Variants in FAAH observed in about 807,000 individuals in gnomAD.
The protein encoded by FAAH is fatty-acid amide hydrolase 1.
In FAAH, 63 loss-of-function variants were observed where a neutral mutation model predicts 69.7. The observed-to-expected ratio is 0.90, with a 90% confidence interval of 0.74 to 1.12. The LOEUF (loss-of-function observed/expected upper bound fraction) is 1.12, where lower values mean the gene tolerates loss of function less well. Among genes scored for constraint, FAAH ranks in the 50% most tolerant of loss-of-function variants. The pLI, the probability that FAAH is intolerant of heterozygous loss-of-function variation, is 0.00. For synonymous variants in FAAH, 305 were observed against 324.2 expected, an observed-to-expected ratio of 0.94 and a Z score of 0.64; for missense variants, 680 against 755.0, an observed-to-expected ratio of 0.90 and a Z score of 1.16.
rs1411090559 is a variant in FAAH, at chr1:46,409,087, C to G, written c.1078-14C>G. Reference sequence around the variant, plus strand: ...TGTTAGGTCAGGAGGCCTTACACCCCTCAATCCCTGCAGCTGGTTCCCTTC... The same window carrying G: ...TGTTAGGTCAGGAGGCCTTACACCCGTCAATCCCTGCAGCTGGTTCCCTTC... On this transcript the variant is annotated splice_polypyrimidine_tract_variant and intron_variant, in intron 8 of 14. Coordinates refer to ENST00000243167, the MANE Select transcript of FAAH (RefSeq NM_001441.3). 1 of 1,612,496 alleles carries G rather than the reference C, an allele frequency of 6.2e-7. No individual in the cohort carries two copies. Among genetic ancestry groups the G allele is most frequent in the Non-Finnish European group, 8.5e-7 (1 of 1,178,540 alleles).
chr1:46,411,903 T>C lies in FAAH; in HGVS notation c.1357-240T>C, dbSNP rs1360429684. On this transcript the variant is annotated intron_variant, in intron 12 of 14. Coordinates refer to ENST00000243167, the MANE Select transcript of FAAH (RefSeq NM_001441.3). The surrounding 1 kb of genome is among the most constrained non-coding windows in gnomAD (Gnocchi z 4.8). ...GCCTTTTTGCCCCTCTGGAGCTGCC[T>C]TTGTGTGGCTCCGCCTCAGCGGGAA... Among the ~76,000 whole-genome samples, 1 of 152,246 alleles carries C rather than the reference T, an allele frequency of 6.6e-6. No homozygotes were observed. The highest frequency in any genetic ancestry group is 2.4e-5 in the African/African-American group (1 of 41,468).
intron 1 of FAAH, among the ~76,000 whole-genome samples, chr1:46,395,417 G>A (rs1664578905): frequency 6.6e-6 from 1 of 152,192 alleles, no homozygotes; most frequent in African/African-American, 2.4e-5. Flanking sequence ...TCCGTGGGTG[G>A]TCTGTCAACA....
intron 7 of FAAH, among the ~76,000 whole-genome samples, chr1:46,407,597 C>G (rs191823179): frequency 1.3e-4 from 20 of 151,644 alleles, no homozygotes; most frequent in African/African-American, 3.9e-4. Context: ...TCCTGGTACT[C>G]TCTCTCTCTC....
Position 46,405,690 on chromosome 1 carries a change from T to C in FAAH, c.681T>C (p.Ser227=). Reference sequence around the variant, plus strand: ...GGGGTGAAGGGGCCCTCATCGGGTCTGGAGGCTCCCCCCTGGGCTTAGGCA... The same window carrying C: ...GGGGTGAAGGGGCCCTCATCGGGTCCGGAGGCTCCCCCCTGGGCTTAGGCA... ...SSGGEGALIG[S]GGSPLGLGTD... Residue 227 remains serine, a synonymous_variant, in exon 5 of 15, where the codon TCT becomes TCC. Transcript: ENST00000243167. The surrounding 1 kb of genome is among the most constrained non-coding windows in gnomAD (Gnocchi z 4.1). The C allele has an allele frequency of 6.2e-7, 1 of 1,613,562 alleles. No homozygotes were observed. The highest frequency in any genetic ancestry group is 1.3e-5 in the African/African-American group (1 of 75,064).
chr1:46,412,939 T>G (rs74952389), intron 13 of FAAH, 136 bp from the exon 14 acceptor site: 1 of 1,083,690 alleles, frequency 9.2e-7, no homozygotes, highest in Admixed American at 2.0e-5. Context: ...GCTTTGTCAC[T>G]CAGACCTCAG....
rs200158706 is a variant in FAAH, at chr1:46,413,585, C to T, written c.*10C>T. On this transcript the variant is annotated 3_prime_UTR_variant, in exon 15 of 15. Transcript: ENST00000243167. The stretch of plus-strand genomic sequence containing the variant: ...AAAGCAGTCATCCTGATGGCTCTGG[C>T]TCCAGAGGACCTGAGACTCACACTC... 1.1e-4 allele frequency: 181 copies of T among 1,613,944 alleles called. No homozygotes were observed. The highest frequency in any genetic ancestry group is 1.4e-4 in the Non-Finnish European group (165 of 1,179,980).
At chr1:46,408,630 G>T in intron 8 of FAAH, 46 bp downstream of exon 8, 1 of 1,613,404 alleles carries the variant, frequency 6.2e-7, no homozygotes. Context: ...CTCCCCTCAC[G>T]GGAAGCCTTC....
chr1:46,405,724 G>A lies in FAAH; in HGVS notation c.715G>A (p.Gly239Arg). 1 of 1,613,494 alleles carries A rather than the reference G, an allele frequency of 6.2e-7. No homozygotes were observed. Among genetic ancestry groups the A allele is most frequent in the Non-Finnish European group, 8.5e-7 (1 of 1,180,034 alleles). The change falls in exon 5 of 15, where the codon GGA becomes AGA. Residue 239 changes from glycine (G) to arginine (R), a missense_variant. Physicochemically the swap from Gly to Arg is moderately radical, Grantham distance 125. Transcript: ENST00000243167. The surrounding 1 kb of genome is among the most constrained non-coding windows in gnomAD (Gnocchi z 4.1). The part of the protein sequence containing the change: ...GSPLGLGTDI[G>R]GSIRFPSSFC... Reference sequence around the variant, plus strand: ...CCCCCTGGGCTTAGGCACTGATATCGGAGGCAGCATCCGCTTCCCCTCCTC... The same window carrying A: ...CCCCCTGGGCTTAGGCACTGATATCAGAGGCAGCATCCGCTTCCCCTCCTC...
chr1:46,412,157 C>A lies in FAAH; in HGVS notation c.1371C>A (p.Thr457=). ...GTCCTCCGCAGGTGTACCGCAAAAC[C>A]GTGATTGCCCAGTGGAGGGCGCTGG... ...LQHEIEVYRK[T]VIAQWRALDL... Residue 457 remains threonine, a synonymous_variant, in exon 13 of 15, where the codon ACC becomes ACA. Transcript: ENST00000243167. 6.4e-7 allele frequency: 1 copy of A among 1,560,888 alleles called. No homozygotes were observed.
In FAAH at chr1:46,405,951, CG is replaced by C; in HGVS notation, c.786-85del. ...CGGGCGTGGGTCCTAGTTTCCAAAG[CG>C]GTGAGTGTTCAGAGCTGCTCTGTGG... On this transcript the variant is annotated intron_variant, in intron 5 of 14. Coordinates refer to ENST00000243167, the MANE Select transcript of FAAH (RefSeq NM_001441.3). The surrounding 1 kb of genome is among the most constrained non-coding windows in gnomAD (Gnocchi z 4.1). 1 of 1,612,914 alleles carries C rather than the reference CG, an allele frequency of 6.2e-7. No homozygotes were observed. Among genetic ancestry groups the C allele is most frequent in the Non-Finnish European group, 8.5e-7 (1 of 1,179,850 alleles).
Position 46,405,911 on chromosome 1 carries a change from T to TA in FAAH, c.785+118dup. ...CCGGGGTTTTGCTGGGAGGAAGCAT[T>TA]ACAGTACCACTGGCCGGGCGTGGGT... On this transcript the variant is annotated intron_variant, in intron 5 of 14. Coordinates refer to ENST00000243167, the MANE Select transcript of FAAH (RefSeq NM_001441.3). This position sits in a 1 kb window ranked among gnomAD's most constrained non-coding sequence, Gnocchi z 4.1. The TA allele has an allele frequency of 1.2e-6, 2 of 1,610,678 alleles. No individual in the cohort carries two copies. The highest frequency in any genetic ancestry group is 1.7e-6 in the Non-Finnish European group (2 of 1,179,202).
At chr1:46,394,759 G>C (rs1664567616) in intron 1 of FAAH, among the ~76,000 whole-genome samples, 1 of 152,232 alleles carries the variant, frequency 6.6e-6, no homozygotes, top group Non-Finnish European at 1.5e-5. Context: ...GTGGTGGAAG[G>C]CCTTTCCCTC....
chr1:46,407,169 G>A (rs1304794731), intron 7 of FAAH, among the ~76,000 whole-genome samples: 1 of 152,068 alleles, frequency 6.6e-6, no homozygotes, highest in Non-Finnish European at 1.5e-5. Flanking sequence ...CTGTTGCTGA[G>A]ACAGGCTGGG....
At chr1:46,408,671 T>A in intron 8 of FAAH, 87 bp downstream of exon 8, 1 of 1,594,152 alleles carries the variant, frequency 6.3e-7, no homozygotes, top group Non-Finnish European at 8.6e-7. Context: ...ATCCCTGGCA[T>A]CCTGGCACTC....
At chr1:46,409,292 A>T in intron 9 of FAAH, 94 bp downstream of exon 9, 1 of 980,030 alleles carries the variant, frequency 1.0e-6, no homozygotes, top group Non-Finnish European at 1.6e-6. Flanking sequence ...GATGGGCCTT[A>T]GCTGAATCCA....
rs1041439039 is a variant in FAAH at position 46,411,286 on chromosome 1, C to T, written c.1317-326C>T. Among the ~76,000 whole-genome samples the T allele has an allele frequency of 5.9e-5, 9 of 152,186 alleles. No individual in the cohort carries two copies. The highest frequency in any genetic ancestry group is 2.2e-4 in the African/African-American group (9 of 41,440). On this transcript the variant is annotated intron_variant, in intron 11 of 14. Transcript: ENST00000243167. The surrounding 1 kb of genome is among the most constrained non-coding windows in gnomAD (Gnocchi z 4.8). ...TAAACCTCCCTGTTTCATGCCCTGA[C>T]GTCCCATGGACTCACTCCTTCCCTT...
chr1:46,413,152 G>C lies in FAAH; in HGVS notation c.1543G>C (p.Glu515Gln), dbSNP rs201520186. ...GVVPVTTVTAEDEAQMEHYRG... is the reference protein window; with the variant it reads ...GVVPVTTVTAQDEAQMEHYRG... Reference sequence around the variant, plus strand: ...GGTGCCTGTCACCACGGTGACTGCTGAGGACGAGGCCCAGATGGAACATTA... The same window carrying C: ...GGTGCCTGTCACCACGGTGACTGCTCAGGACGAGGCCCAGATGGAACATTA... Residue 515 changes from glutamate (E) to glutamine (Q), a missense_variant, in exon 14 of 15, where the codon GAG becomes CAG. By Grantham distance (29) the Glu-to-Gln change is conservative. Transcript: ENST00000243167. The C allele has an allele frequency of 1.1e-5, 17 of 1,614,048 alleles. No individual in the cohort carries two copies. In the South Asian group the frequency reaches 1.9e-4, roughly 18 times the overall value.
chr1:46,405,294 G>A lies in FAAH; in HGVS notation c.445-78G>A. Reference sequence around the variant, plus strand: ...CACTGGTATACCTGTTTTGGCCTGTGTGACAGTTGTTGGAGTGGACCCTTG... The same window carrying A: ...CACTGGTATACCTGTTTTGGCCTGTATGACAGTTGTTGGAGTGGACCCTTG... On this transcript the variant is annotated intron_variant, in intron 3 of 14. Transcript: ENST00000243167. The surrounding 1 kb of genome is among the most constrained non-coding windows in gnomAD (Gnocchi z 4.1). 1 of 1,606,302 alleles carries A rather than the reference G, an allele frequency of 6.2e-7. No homozygotes were observed. The highest frequency in any genetic ancestry group is 8.5e-7 in the Non-Finnish European group (1 of 1,179,696).
At chr1:46,406,795 A>G (rs1048908233) in intron 7 of FAAH, among the ~76,000 whole-genome samples, 1 of 151,198 alleles carries the variant, frequency 6.6e-6, no homozygotes, top group African/African-American at 2.4e-5. Flanking sequence ...AGTAGTAGAG[A>G]CGGGGTTTCA....
Sources: allele counts gnomAD v4.1 joint callset (sites outside exome capture counted in the v4.1 genomes callset), GRCh38; gene constraint gnomAD v4.1.1; non-coding constraint Gnocchi (gnomAD v3.1); transcripts MANE v1.5; gene names NCBI Gene and HGNC (gene_info 2026-07-23, HGNC 2026-07-21).